Variants in ADGRB3 observed in about 807,000 individuals in gnomAD.
ADGRB3 encodes brain-specific angiogenesis inhibitor 3.
ADGRB3 carries 37 observed loss-of-function variants against 193.4 expected under a neutral mutation model. The ratio of observed to expected loss-of-function variants is 0.19; its 90% CI spans 0.15 to 0.25. ADGRB3 has a LOEUF of 0.25. Ranked by LOEUF, ADGRB3 falls within the 10% of genes least tolerant of loss-of-function variation. The pLI is 1.00. For missense variants in ADGRB3, 1,637 were observed against 1,852.9 expected (o/e 0.88, Z 2.14); for synonymous variants, 690 against 644.2 (o/e 1.07, Z -1.08).
chr6:68,731,237 A>G (rs1765768582), intron 3 of ADGRB3, among the ~76,000 whole-genome samples: 1 of 151,702 alleles, frequency 6.6e-6, no homozygotes, highest in Non-Finnish European at 1.5e-5. Context: ...ATGTTTACCT[A>G]TAGATATCTT....
chr6:69,092,646 C>T (rs2150318084), intron 17 of ADGRB3, among the ~76,000 whole-genome samples: 1 of 152,200 alleles, frequency 6.6e-6, no homozygotes, highest in South Asian at 2.1e-4. Context: ...TAAGAAGTTA[C>T]AGTTAGTGAT....
chr6:68,998,149 A>G (rs1305695870), intron 11 of ADGRB3, among the ~76,000 whole-genome samples: 1 of 152,190 alleles, frequency 6.6e-6, no homozygotes, highest in Non-Finnish European at 1.5e-5. Flanking sequence ...TATTGTATTC[A>G]CCTTAAGAAA....
intron 3 of ADGRB3, among the ~76,000 whole-genome samples, chr6:68,754,524 A>C (rs1766263325): frequency 6.6e-6 from 1 of 152,106 alleles, no homozygotes; most frequent in Non-Finnish European, 1.5e-5. Context: ...TATTATTTGT[A>C]TTATTTTCTT....
intron 17 of ADGRB3, among the ~76,000 whole-genome samples, chr6:69,195,150 G>C (rs1327434188): frequency 1.3e-5 from 2 of 152,042 alleles, no homozygotes; most frequent in East Asian, 1.9e-4. Flanking sequence ...GGAAATATCA[G>C]ATTTGAATTC....
chr6:68,788,883 G>T (rs1364094146), intron 3 of ADGRB3, among the ~76,000 whole-genome samples: 1 of 152,196 alleles, frequency 6.6e-6, no homozygotes, highest in African/African-American at 2.4e-5. Flanking sequence ...TCTTCTTGTT[G>T]AATTGATCCC....
intron 17 of ADGRB3, among the ~76,000 whole-genome samples, chr6:69,116,708 G>A (rs1007560661): frequency 3.3e-5 from 5 of 152,298 alleles, no homozygotes; most frequent in Admixed American, 6.5e-5. Flanking sequence ...AGTTAACAGT[G>A]CTAGGGTAAG....
chr6:68,733,969 C>T (rs979581485), intron 3 of ADGRB3, among the ~76,000 whole-genome samples: 4 of 151,482 alleles, frequency 2.6e-5, no homozygotes, highest in African/African-American at 9.7e-5. Flanking sequence ...ATCTCATAGA[C>T]CCCAGAAATG....
chr6:69,316,001 T>C (rs958936557), intron 20 of ADGRB3, among the ~76,000 whole-genome samples: 1 of 151,346 alleles, frequency 6.6e-6, no homozygotes, highest in African/African-American at 2.4e-5. Context: ...TTTCTAGCAA[T>C]AGCACAATTC....
At chr6:69,000,469 A>G (rs1285684798) in intron 11 of ADGRB3, among the ~76,000 whole-genome samples, 1 of 152,192 alleles carries the variant, frequency 6.6e-6, no homozygotes, top group Non-Finnish European at 1.5e-5. Flanking sequence ...TCATGCCTAA[A>G]CAAGGTTTAT....
intron 3 of ADGRB3, among the ~76,000 whole-genome samples, chr6:68,910,334 A>C (rs1443345093): frequency 1.3e-5 from 2 of 152,126 alleles, no homozygotes; most frequent in Non-Finnish European, 2.9e-5. Context: ...AGATTGCAAA[A>C]ATGTTCTCCC....
rs1561999012 is a variant in ADGRB3 at position 69,361,033 on chromosome 6, A to C, written c.3760A>C (p.Thr1254Pro). Residue 1254 changes from threonine (T) to proline (P), a missense_variant, in exon 29 of 32, where the codon ACA becomes CCA. Thr to Pro is a conservative substitution (Grantham distance 38). Around this residue, in one of 7 missense-constraint regions of ADGRB3, gnomAD observed 368 missense variants for 367.4 expected, o/e 1.00. Coordinates refer to ENST00000370598, the MANE Select transcript of ADGRB3 (RefSeq NM_001704.3). ...TTCCAAAGTCATCATCCAGCAACCC[A>C]CAGGTTTGCACATGCCCATGAGTAT... ...VISKVIIQQP[T>P]GLHMPMSMNE... 4.3e-6 allele frequency: 7 copies of C among 1,612,748 alleles called. No individual in the cohort carries two copies. The highest frequency in any genetic ancestry group is 5.1e-6 in the Non-Finnish European group (6 of 1,179,210).
chr6:68,778,832 G>A (rs1384437163), intron 3 of ADGRB3, among the ~76,000 whole-genome samples: 1 of 151,964 alleles, frequency 6.6e-6, no homozygotes, highest in Non-Finnish European at 1.5e-5. Flanking sequence ...AGGCACTTCT[G>A]GTTTGGACTT....
At chr6:69,040,374 T>C (rs111560064) in intron 13 of ADGRB3, among the ~76,000 whole-genome samples, 4,971 of 50,806 alleles carry the variant, frequency 0.098, 104 homozygotes, top group Non-Finnish European at 0.13. Flanking sequence ...TCTTTCTTTC[T>C]TTCCTTCTCT....
intron 17 of ADGRB3, among the ~76,000 whole-genome samples, chr6:69,081,599 A>G (rs1157666954): frequency 1.3e-5 from 2 of 151,912 alleles, no homozygotes; most frequent in African/African-American, 4.8e-5. Flanking sequence ...AAGTTTTTTC[A>G]TATTCACAAT....
intron 17 of ADGRB3, among the ~76,000 whole-genome samples, chr6:69,132,433 G>A (rs540323262): frequency 1.8e-4 from 27 of 152,246 alleles, no homozygotes; most frequent in African/African-American, 6.3e-4. Context: ...ATTTTGAGAA[G>A]TATCTGTTCA....
intron 3 of ADGRB3, among the ~76,000 whole-genome samples, chr6:68,664,064 G>T (rs1768737752): frequency 6.6e-6 from 1 of 151,734 alleles, no homozygotes; most frequent in African/African-American, 2.4e-5. Flanking sequence ...CGAATATGCT[G>T]AATGATATTT....
chr6:68,883,227 G>A (rs937026862), intron 3 of ADGRB3, among the ~76,000 whole-genome samples: 1 of 152,100 alleles, frequency 6.6e-6, no homozygotes, highest in Non-Finnish European at 1.5e-5. Context: ...CTTTTGTCTA[G>A]CTAGAGGATT....
intron 3 of ADGRB3, among the ~76,000 whole-genome samples, chr6:68,836,113 G>A (rs1648773051): frequency 6.6e-6 from 1 of 151,960 alleles, no homozygotes; most frequent in African/African-American, 2.4e-5. Flanking sequence ...GTTGACTTTT[G>A]CTCTTCCATG....
intron 17 of ADGRB3, among the ~76,000 whole-genome samples, chr6:69,093,625 T>G (rs1278733242): frequency 9.0e-6 from 1 of 110,882 alleles, no homozygotes; most frequent in African/African-American, 3.5e-5. Flanking sequence ...CAGTGGGAGA[T>G]GGGTGGGGAG....
Sources: gnomAD v4.1 joint callset for allele counts (sites outside exome capture counted in the v4.1 genomes callset) on GRCh38, gnomAD v4.1.1 for gene constraint, gnomAD v4.1.1 regional missense constraint, MANE v1.5 for transcripts, NCBI Gene and HGNC (gene_info 2026-07-23, HGNC 2026-07-21) for gene names.